The following ATRN variants were observed in gnomAD, a reference collection of about 807,000 sequenced individuals.
ATRN encodes the protein attractin, also known as attractin-2.
A neutral mutation model predicts 178.7 loss-of-function variants in ATRN; 54 were observed. The ratio of observed to expected loss-of-function variants is 0.30; its 90% CI spans 0.24 to 0.38. The LOEUF is 0.38. Among genes scored for constraint, ATRN ranks in the 10% least tolerant of loss-of-function variants. The pLI, the probability that ATRN is intolerant of heterozygous loss-of-function variation, is 1.00. For missense variants in ATRN, 1,443 were observed against 1,815.1 expected (o/e 0.79, Z 3.73); for synonymous variants, 636 against 663.0 (o/e 0.96, Z 0.63).
chr20:3,483,666 A>G (rs1312951539), intron 1 of ATRN, among the ~76,000 whole-genome samples: 1 of 151,966 alleles, frequency 6.6e-6, no homozygotes, highest in Non-Finnish European at 1.5e-5. Context: ...TTCTTTACCT[A>G]TCTCTTTTTG....
intron 1 of ATRN, among the ~76,000 whole-genome samples, chr20:3,495,893 G>A (rs2084872336): frequency 6.6e-6 from 1 of 151,932 alleles, no homozygotes; most frequent in African/African-American, 2.4e-5. Context: ...CCAATGGAAT[G>A]ATAAACCAAA....
chr20:3,484,798 T>C (rs963806258), intron 1 of ATRN, among the ~76,000 whole-genome samples: 2 of 152,038 alleles, frequency 1.3e-5, no homozygotes, highest in Non-Finnish European at 2.9e-5. Flanking sequence ...TAAATTCTTA[T>C]AGCTTTTTTC....
chr20:3,588,738 A>G (rs1261858005), intron 18 of ATRN, among the ~76,000 whole-genome samples: 1 of 152,134 alleles, frequency 6.6e-6, no homozygotes, highest in Non-Finnish European at 1.5e-5. Context: ...ATTTACTGGA[A>G]GAGTTCGTCA....
intron 26 of ATRN, among the ~76,000 whole-genome samples, chr20:3,636,582 A>T (rs1489238867): frequency 6.6e-6 from 1 of 152,256 alleles, no homozygotes. Context: ...TTTTAACAAG[A>T]GCTGACATCT....
At chr20:3,580,072 A>G (rs777716596) in intron 15 of ATRN, among the ~76,000 whole-genome samples, 20 of 152,352 alleles carry the variant, frequency 1.3e-4, no homozygotes, top group Admixed American at 6.5e-5. Flanking sequence ...ATATTTTGAT[A>G]GCTTTTTCAG....
intron 1 of ATRN, among the ~76,000 whole-genome samples, chr20:3,473,877 G>A (rs1312154526): frequency 6.6e-6 from 1 of 152,198 alleles, no homozygotes; most frequent in East Asian, 1.9e-4. Context: ...GCTTGTAGAG[G>A]TGAAATGGAC....
chr20:3,489,807 A>ATCTT (rs2084758911), intron 1 of ATRN: 1 of 1,263,514 alleles, frequency 7.9e-7, no homozygotes, highest in Non-Finnish European at 1.2e-6. Flanking sequence ...GTTTCCACAA[A>ATCTT]TCTCACAGTT....
At chr20:3,481,392 G>A (rs1315313833) in intron 1 of ATRN, among the ~76,000 whole-genome samples, 1 of 152,174 alleles carries the variant, frequency 6.6e-6, no homozygotes, top group Non-Finnish European at 1.5e-5. Flanking sequence ...CCGTGCTGAA[G>A]TGCGGTGGTG....
At chr20:3,558,136 A>G (rs988027399) in intron 6 of ATRN, among the ~76,000 whole-genome samples, 2 of 152,180 alleles carry the variant, frequency 1.3e-5, no homozygotes, top group Admixed American at 6.5e-5. Flanking sequence ...ACTTTCATAT[A>G]TATGTTATAC....
intron 24 of ATRN, among the ~76,000 whole-genome samples, chr20:3,607,342 T>C (rs934434053): frequency 4.6e-5 from 7 of 152,200 alleles, no homozygotes; most frequent in Non-Finnish European, 5.9e-5. Flanking sequence ...CTAGAACTTA[T>C]TCCTTGTAAC....
intron 3 of ATRN, among the ~76,000 whole-genome samples, chr20:3,543,787 C>G (rs545037161): frequency 6.6e-6 from 1 of 151,764 alleles, no homozygotes; most frequent in African/African-American, 2.4e-5. Flanking sequence ...AACCCCAACA[C>G]TTTGTGAGGC....
intron 18 of ATRN, among the ~76,000 whole-genome samples, chr20:3,587,682 T>C (rs1226426007): frequency 6.6e-6 from 1 of 152,204 alleles, no homozygotes; most frequent in Non-Finnish European, 1.5e-5. Context: ...TTTGTTCTTA[T>C]TTTGCAAGAC....
At chr20:3,478,841 C>T (rs978021045) in intron 1 of ATRN, among the ~76,000 whole-genome samples, 1 of 151,954 alleles carries the variant, frequency 6.6e-6, no homozygotes, top group Non-Finnish European at 1.5e-5. Flanking sequence ...CACCTCCCTC[C>T]TCACTGCTCC....
intron 13 of ATRN, 119 bp downstream of exon 13, chr20:3,576,067 G>A: frequency 8.5e-7 from 1 of 1,183,022 alleles, no homozygotes; most frequent in Non-Finnish European, 1.1e-6. Flanking sequence ...TTTCTATTTG[G>A]ATTTTATTAT....
At chr20:3,642,580 G>A (rs1291411170) in intron 27 of ATRN, among the ~76,000 whole-genome samples, 1 of 152,050 alleles carries the variant, frequency 6.6e-6, no homozygotes, top group African/African-American at 2.4e-5. Context: ...GGCCACCGCT[G>A]TCTCTCACCT....
chr20:3,533,057 C>T (rs368420808), intron 1 of ATRN, among the ~76,000 whole-genome samples: 4 of 152,196 alleles, frequency 2.6e-5, no homozygotes, highest in Admixed American at 6.5e-5. Flanking sequence ...CCACCACGCC[C>T]AGCCTATGGT....
At chr20:3,507,168 A>G (rs2085056851) in intron 1 of ATRN, among the ~76,000 whole-genome samples, 1 of 151,678 alleles carries the variant, frequency 6.6e-6, no homozygotes, top group African/African-American at 2.4e-5. Flanking sequence ...GCATTTTGGG[A>G]GGCCGAGGTG....
At chr20:3,512,580 GTC>G (rs1263872404) in intron 1 of ATRN, among the ~76,000 whole-genome samples, 1 of 152,130 alleles carries the variant, frequency 6.6e-6, no homozygotes, top group Non-Finnish European at 1.5e-5. Context: ...GTGTGCATGT[GTC>G]TTTGTAGCAG....
intron 19 of ATRN, among the ~76,000 whole-genome samples, chr20:3,591,912 C>T (rs1041921597): frequency 7.9e-5 from 12 of 152,150 alleles, no homozygotes; most frequent in Non-Finnish European, 1.3e-4. Context: ...TGTGAAGGAG[C>T]GTGACCCGTG....
Sources: allele counts gnomAD v4.1 joint callset (sites outside exome capture counted in the v4.1 genomes callset), GRCh38; gene constraint gnomAD v4.1.1; transcripts MANE v1.5; gene names NCBI Gene and HGNC (gene_info 2026-07-23, HGNC 2026-07-21).